The following ANK3 variants were observed in gnomAD, a reference collection of about 807,000 sequenced individuals.
ANK3 encodes the protein ankyrin 3, also known as ankyrin-3.
In ANK3, 57 loss-of-function variants were observed where a neutral mutation model predicts 370.9. That is an observed-to-expected ratio of 0.15 (90% CI 0.12 to 0.19). The LOEUF (loss-of-function observed/expected upper bound fraction) is 0.19, where lower values mean the gene tolerates loss of function less well. Ranked by LOEUF, ANK3 falls within the 10% of genes least tolerant of loss-of-function variation. The probability of loss-of-function intolerance (pLI) is 1.00; values close to 1 mark genes in which losing one functional copy is unlikely to be tolerated. For missense variants in ANK3, 4,439 were observed against 5,302.1 expected (o/e 0.84, Z 5.06); for synonymous variants, 1,929 against 1,946.3 (o/e 0.99, Z 0.23).
At chr10:60,371,768 A>G (rs1023662252) in intron 1 of ANK3, among the ~76,000 whole-genome samples, 45 of 152,198 alleles carry the variant, frequency 3.0e-4, no homozygotes, top group Non-Finnish European at 5.4e-4. Flanking sequence ...AACACATTAC[A>G]TAACTTGTTC....
At chr10:60,119,695 C>T (rs920716855) in intron 25 of ANK3, among the ~76,000 whole-genome samples, 4 of 152,082 alleles carry the variant, frequency 2.6e-5, no homozygotes, top group South Asian at 2.1e-4. Context: ...TCGCTTGAAC[C>T]CGGGGTACAG....
rs2079250375 is a variant in ANK3, at chr10:60,685,115, T to C, written c.57+48148A>G. On this transcript the variant is annotated intron_variant, in intron 1 of 43. Coordinates refer to the ANK3 transcript ENST00000373827. ...TATTATATCTGTGTGGAGGAGGTTTTCTCTGGTCTGATTTTGACAAATGGA... is the reference window on the plus strand; with the variant it reads ...TATTATATCTGTGTGGAGGAGGTTTCCTCTGGTCTGATTTTGACAAATGGA... The C allele has an allele frequency of 5.1e-6, 5 of 974,952 alleles. No homozygotes were observed. In the Admixed American group the frequency reaches 1.2e-4, roughly 23 times the overall value. 60.4% of individuals were successfully genotyped at this position (974,952 alleles called of 1,614,324 possible).
At chr10:60,060,622 T>G (rs572180687) in intron 40 of ANK3, 3 of 152,290 alleles carry the variant, frequency 2.0e-5, no homozygotes, top group African/African-American at 7.2e-5. Flanking sequence ...GAAAAAAATT[T>G]TAAACGATGT....
intron 2 of ANK3, among the ~76,000 whole-genome samples, chr10:60,484,837 T>C (rs1420928014): frequency 6.6e-6 from 1 of 152,176 alleles, no homozygotes. Flanking sequence ...GAAACTAATT[T>C]AAGATGAATC....
chr10:60,086,635 C>A (rs773789294), intron 30 of ANK3, 42 bp downstream of exon 30: 19 of 1,511,268 alleles, frequency 1.3e-5, no homozygotes, highest in Admixed American at 1.1e-4. Flanking sequence ...TGTACACAAT[C>A]TTTGTGAATC....
intron 1 of ANK3, among the ~76,000 whole-genome samples, chr10:60,377,173 T>C (rs2060899586): frequency 6.6e-6 from 1 of 152,214 alleles, no homozygotes; most frequent in African/African-American, 2.4e-5. Flanking sequence ...AGCAGGTCCT[T>C]GCAGAAGAGG....
At chr10:60,065,831 T>C (rs533208078) in intron 38 of ANK3, among the ~76,000 whole-genome samples, 4 of 152,340 alleles carry the variant, frequency 2.6e-5, no homozygotes, top group South Asian at 2.1e-4. Flanking sequence ...TCACATCTCA[T>C]TGAAGCATTG....
At chr10:60,264,093 G>A in intron 5 of ANK3, 73 bp from the exon 6 acceptor site, 4 of 1,301,374 alleles carry the variant, frequency 3.1e-6, no homozygotes, top group South Asian at 3.0e-5. Context: ...CAAATAAGAA[G>A]GCAACCAAGT....
At position 60,074,672 on chromosome 10, in the gene ANK3, G is replaced by A; in HGVS notation, c.6209C>T (p.Pro2070Leu). ...GEERQKRVLKPAIALQEHKLK... is the reference protein window; with the variant it reads ...GEERQKRVLKLAIALQEHKLK... ...TTTGTGTTCCTGCAAAGCAATTGCT[G>A]GTTTTAAAACTCTTTTCTGTCTCTC... Residue 2070 changes from proline (P) to leucine (L), a missense_variant, in exon 37 of 44, where the codon CCA (proline) becomes CTA (leucine). Transcript: ENST00000280772. The A allele has an allele frequency of 6.2e-7, 1 of 1,613,464 alleles. No individual in the cohort carries two copies. The highest frequency in any genetic ancestry group is 8.5e-7 in the Non-Finnish European group (1 of 1,179,868).
At chr10:60,417,027 G>T (rs1234913637) in intron 2 of ANK3, among the ~76,000 whole-genome samples, 2 of 152,186 alleles carry the variant, frequency 1.3e-5, no homozygotes, top group African/African-American at 2.4e-5. Flanking sequence ...GGTAAAGAAA[G>T]GATGGCTGAG....
intron 1 of ANK3, among the ~76,000 whole-genome samples, chr10:60,286,269 T>C (rs1448745507): frequency 1.3e-5 from 2 of 152,144 alleles, no homozygotes; most frequent in African/African-American, 4.8e-5. Flanking sequence ...TGTACCCCTC[T>C]GTAGGCTAAA....
intron 24 of ANK3, 102 bp downstream of exon 24, chr10:60,138,862 A>G: frequency 6.8e-7 from 1 of 1,472,206 alleles, no homozygotes; most frequent in Non-Finnish European, 9.3e-7. Flanking sequence ...TCTTCATCCA[A>G]AGAACACATT....
chr10:60,652,476 A>T (rs1433299785), intron 1 of ANK3, among the ~76,000 whole-genome samples: 3 of 152,106 alleles, frequency 2.0e-5, no homozygotes, highest in Admixed American at 2.0e-4. Context: ...AAAAGGTCTT[A>T]TTAAGAAAAA....
chr10:60,310,837 A>G (rs1593484137), intron 1 of ANK3, among the ~76,000 whole-genome samples: 1 of 152,220 alleles, frequency 6.6e-6, no homozygotes, highest in East Asian at 1.9e-4. Flanking sequence ...CCTCTCTGCA[A>G]TGTCCTTTTC....
At position 60,205,810 on chromosome 10, in the gene ANK3, G is replaced by A. The variant is rs779491871; in HGVS notation, c.1275C>T (p.Ser425=). 1.2e-6 allele frequency: 2 copies of A among 1,613,140 alleles called. No homozygotes were observed. Among genetic ancestry groups the A allele is most frequent in the Non-Finnish European group, 1.7e-6 (2 of 1,179,162 alleles). ...TTCTCACCTCGGTTACAGCTTGGAT[G>A]GATGCACCGTGTTTCAGAAGGAGTT... ...VMELLLKHGA[S]IQAVTESGLT... Residue 425 remains serine (S), a synonymous_variant, in exon 11 of 44, where the codon TCC becomes TCT. Coordinates refer to ENST00000280772, the MANE Select transcript of ANK3 (RefSeq NM_020987.5).
chr10:60,338,994 G>T (rs1231460127), intron 1 of ANK3, among the ~76,000 whole-genome samples: 2 of 148,714 alleles, frequency 1.3e-5, no homozygotes, highest in Non-Finnish European at 3.0e-5. Flanking sequence ...CAGATGTTTG[G>T]TGGGTTTCCA....
Position 60,106,028 on chromosome 10 carries a change from A to C in ANK3, c.3205T>G (p.Ser1069Ala). Residue 1069 changes from serine to alanine, a missense_variant, in exon 28 of 44, where the codon TCC (serine) becomes GCC (alanine). By Grantham distance (99) the Ser-to-Ala change is moderately conservative. This residue lies in a region of ANK3 where 702 missense variants were observed against 941.5 expected (regional missense o/e 0.75). Transcript: ENST00000280772. ...AGTTCTCTCTCTTTTCCTCTCATGG[A>C]CCCAAAGTGAGGGATTTCCACTATG... ...PVIVEIPHFGSMRGKERELIV... is the reference protein window; with the variant it reads ...PVIVEIPHFGAMRGKERELIV... 6 of 1,610,762 alleles carry C rather than the reference A, an allele frequency of 3.7e-6. No individual in the cohort carries two copies. Among genetic ancestry groups the C allele is most frequent in the Non-Finnish European group, 5.1e-6 (6 of 1,178,874 alleles).
At chr10:60,669,111 T>C (rs1301721543) in intron 1 of ANK3, among the ~76,000 whole-genome samples, 2 of 152,190 alleles carry the variant, frequency 1.3e-5, no homozygotes, top group Non-Finnish European at 2.9e-5. Flanking sequence ...ACCTATGTTG[T>C]CTCCACACAC....
intron 42 of ANK3, chr10:60,043,934 C>G (rs943821192): frequency 1.0e-6 from 1 of 985,538 alleles, no homozygotes; most frequent in African/African-American, 1.7e-5. Context: ...TTCTTTGACC[C>G]TGATCAAATG....
Sources: gnomAD v4.1 joint callset for allele counts (sites outside exome capture counted in the v4.1 genomes callset) on GRCh38, gnomAD v4.1.1 for gene constraint, gnomAD v4.1.1 regional missense constraint, MANE v1.5 for transcripts, NCBI Gene and HGNC (gene_info 2026-07-23, HGNC 2026-07-21) for gene names.